The following ZNF804B variants were observed in gnomAD, a reference collection of about 807,000 sequenced individuals.
ZNF804B encodes the protein zinc finger protein 804B, also known as zinc finger 804B.
In ZNF804B, 80 loss-of-function variants were observed where a neutral mutation model predicts 101.4. The ratio of observed to expected loss-of-function variants is 0.79; its 90% CI spans 0.66 to 0.95. The LOEUF (loss-of-function observed/expected upper bound fraction) is 0.95, where lower values mean the gene tolerates loss of function less well. Among genes scored for constraint, ZNF804B ranks in the 40% least tolerant of loss-of-function variants. The pLI is 0.00. For missense variants in ZNF804B, 1,673 were observed against 1,561.9 expected, an observed-to-expected ratio of 1.07 and a Z score of -1.20; for synonymous variants, 622 against 558.8, an observed-to-expected ratio of 1.11 and a Z score of -1.59.
rs953968601 is a variant in ZNF804B at position 89,333,792 on chromosome 7, T to C, written c.810T>C (p.Asn270=). 3.1e-6 allele frequency: 5 copies of C among 1,613,134 alleles called. No individual in the cohort carries two copies. The highest frequency in any genetic ancestry group is 4.2e-6 in the Non-Finnish European group (5 of 1,179,658). The part of the protein sequence containing the change: ...ADKCKCCRFA[N]KDTHLTKEKE... ...AGTGCAAGTGCTGCAGGTTTGCAAA[T>C]AAAGATACACACCTTACCAAGGAAA... Residue 270 remains asparagine (N), a synonymous_variant, in exon 4 of 4, where the codon AAT becomes AAC. Transcript: ENST00000333190.
chr7:88,883,900 TTATA>T (rs1792080416), intron 1 of ZNF804B, among the ~76,000 whole-genome samples: 1 of 152,132 alleles, frequency 6.6e-6, no homozygotes, highest in African/African-American at 2.4e-5. Context: ...CTGCATCTTT[TTATA>T]TATTTATTTT....
At chr7:88,899,485 G>A (rs967650905) in intron 1 of ZNF804B, among the ~76,000 whole-genome samples, 1 of 151,970 alleles carries the variant, frequency 6.6e-6, no homozygotes, top group African/African-American at 2.4e-5. Context: ...TTTCTTCACT[G>A]TCATATTCTT....
At chr7:88,765,245 G>T (rs1789963002) in intron 1 of ZNF804B, among the ~76,000 whole-genome samples, 1 of 152,032 alleles carries the variant, frequency 6.6e-6, no homozygotes. Context: ...TGACTAAAAT[G>T]AACTCTCTGT....
chr7:89,108,641 C>T (rs10275668), intron 1 of ZNF804B, among the ~76,000 whole-genome samples: 2 of 151,906 alleles, frequency 1.3e-5, no homozygotes, highest in East Asian at 3.9e-4. Flanking sequence ...GCAAAGGAAA[C>T]TGATCCTATT....
intron 2 of ZNF804B, among the ~76,000 whole-genome samples, chr7:89,231,728 GT>G (rs1354344888): frequency 1.3e-5 from 2 of 151,794 alleles, no homozygotes; most frequent in African/African-American, 4.8e-5. Context: ...CTTTCTGTTT[GT>G]TGCCACTACA....
intron 2 of ZNF804B, among the ~76,000 whole-genome samples, chr7:89,320,005 C>T (rs898181339): frequency 4.2e-5 from 6 of 143,568 alleles, no homozygotes; most frequent in Non-Finnish European, 9.0e-5. Flanking sequence ...ACATATTGCT[C>T]ATCATCAAGA....
chr7:88,962,507 G>T (rs1793399950), intron 1 of ZNF804B, among the ~76,000 whole-genome samples: 1 of 150,664 alleles, frequency 6.6e-6, no homozygotes, highest in African/African-American at 2.4e-5. Flanking sequence ...TCCTAACGAG[G>T]TGGCTGCGAA....
chr7:89,008,806 C>A (rs763737956), intron 1 of ZNF804B, among the ~76,000 whole-genome samples: 10 of 152,142 alleles, frequency 6.6e-5, no homozygotes, highest in Non-Finnish European at 1.5e-4. Context: ...CAAGTAGACC[C>A]TTACACTCTA....
At chr7:89,030,479 T>G (rs896709262) in intron 1 of ZNF804B, among the ~76,000 whole-genome samples, 2 of 152,084 alleles carry the variant, frequency 1.3e-5, no homozygotes, top group Admixed American at 1.3e-4. Context: ...AAAAACAAGA[T>G]GAAAACATGT....
rs1156632736 is a variant in ZNF804B, at chr7:89,001,328, A to G, written c.109-216827A>G. Among the ~76,000 whole-genome samples, 5 of 151,654 alleles carry G rather than the reference A, an allele frequency of 3.3e-5. No homozygotes were observed. The East Asian group carries it at 9.6e-4, about 29-fold the overall frequency. ...GTTAGCTATATTTAGTCATTTCACA[A>G]TGAATATATTCTTTTTTTTCCTTTC... On this transcript the variant is annotated intron_variant, in intron 1 of 3. Coordinates refer to ENST00000333190, the MANE Select transcript of ZNF804B (RefSeq NM_181646.5).
intron 1 of ZNF804B, among the ~76,000 whole-genome samples, chr7:89,156,056 C>CTTTCTTTCTT (rs1790964953): frequency 1.3e-5 from 1 of 77,216 alleles, no homozygotes; most frequent in Non-Finnish European, 3.1e-5. Context: ...TTCTTTCTTT[C>CTTTCTTTCTT]TTTCTTTCTT....
intron 1 of ZNF804B, among the ~76,000 whole-genome samples, chr7:88,895,286 T>C (rs531739707): frequency 5.9e-5 from 9 of 152,342 alleles, no homozygotes; most frequent in Middle Eastern, 6.8e-3. Context: ...GGGTGGCAGA[T>C]GGTAGAAGCG....
intron 1 of ZNF804B, among the ~76,000 whole-genome samples, chr7:88,980,880 C>T (rs575737089): frequency 6.6e-6 from 1 of 152,060 alleles, no homozygotes; most frequent in African/African-American, 2.4e-5. Context: ...TTCCAGCCAG[C>T]CTATTGTCCT....
intron 1 of ZNF804B, among the ~76,000 whole-genome samples, chr7:88,810,065 C>A (rs1583950448): frequency 6.6e-6 from 1 of 152,068 alleles, no homozygotes; most frequent in Non-Finnish European, 1.5e-5. Context: ...ATCTCGTAAC[C>A]CAGATAAATT....
chr7:89,156,486 A>G (rs1360699091), intron 1 of ZNF804B, among the ~76,000 whole-genome samples: 1 of 152,156 alleles, frequency 6.6e-6, no homozygotes, highest in African/African-American at 2.4e-5. Flanking sequence ...GTTTGTGTAC[A>G]TCAATACTGC....
chr7:89,166,458 C>A (rs1202205397), intron 1 of ZNF804B, among the ~76,000 whole-genome samples: 1 of 152,088 alleles, frequency 6.6e-6, no homozygotes, highest in African/African-American at 2.4e-5. Flanking sequence ...GTAAGAAGAT[C>A]ATAAGGAAAT....
chr7:88,898,097 T>TG, intron 1 of ZNF804B, among the ~76,000 whole-genome samples: 1 of 133,754 alleles, frequency 7.5e-6, no homozygotes, highest in Non-Finnish European at 1.6e-5. Context: ...TTTTTTTTTT[T>TG]TTTTTTTGAG....
At chr7:89,163,677 G>A (rs1448176437) in intron 1 of ZNF804B, among the ~76,000 whole-genome samples, 17 of 150,010 alleles carry the variant, frequency 1.1e-4, no homozygotes, top group Admixed American at 1.1e-3. Context: ...AAAAAAAAAT[G>A]TATTTTTAAT....
chr7:89,109,792 C>T (rs1389406224), intron 1 of ZNF804B, among the ~76,000 whole-genome samples: 1 of 152,084 alleles, frequency 6.6e-6, no homozygotes. Context: ...TTTTATTTTG[C>T]TCTTTTCTGG....
Sources: allele counts gnomAD v4.1 joint callset (sites outside exome capture counted in the v4.1 genomes callset), GRCh38; gene constraint gnomAD v4.1.1; transcripts MANE v1.5; gene names NCBI Gene and HGNC (gene_info 2026-07-23, HGNC 2026-07-21).